Variants in SLC25A35 observed in about 807,000 individuals in gnomAD.
SLC25A35 encodes the protein solute carrier family 25, member 35.
SLC25A35 carries 32 observed loss-of-function variants against 30.5 expected under a neutral mutation model. That is an observed-to-expected ratio of 1.05 (90% CI 0.79 to 1.41). The LOEUF (loss-of-function observed/expected upper bound fraction) is 1.41, where lower values mean the gene tolerates loss of function less well. SLC25A35 is among the 40% of genes most tolerant of loss of function. The probability of loss-of-function intolerance (pLI) is 0.00; values close to 1 mark genes in which losing one functional copy is unlikely to be tolerated. For missense variants in SLC25A35, 369 were observed against 388.0 expected, an observed-to-expected ratio of 0.95 and a Z score of 0.41; for synonymous variants, 142 against 158.1, an observed-to-expected ratio of 0.90 and a Z score of 0.77.
chr17:8,292,690 T>G, intron 1 of SLC25A35, 102 bp from the exon 2 acceptor site: 3 of 937,182 alleles, frequency 3.2e-6, no homozygotes, highest in Non-Finnish European at 5.3e-6. Context: ...TGTTCAGCAA[T>G]GAATAGCCTC....
intron 1 of SLC25A35, among the ~76,000 whole-genome samples, chr17:8,293,316 G>T (rs146864870): frequency 1.3e-5 from 2 of 152,026 alleles, no homozygotes; most frequent in African/African-American, 2.4e-5. Context: ...ACTCTCTGAC[G>T]TATGTTAAAT....
intron 1 of SLC25A35, among the ~76,000 whole-genome samples, chr17:8,293,329 C>T (rs1323889430): frequency 6.6e-6 from 1 of 152,082 alleles, no homozygotes; most frequent in African/African-American, 2.4e-5. Flanking sequence ...TGTTAAATTC[C>T]TTATCCTCCC....
chr17:8,292,182 A>G (rs911401589), intron 2 of SLC25A35, among the ~76,000 whole-genome samples: 5 of 152,006 alleles, frequency 3.3e-5, no homozygotes, highest in Non-Finnish European at 7.4e-5. Flanking sequence ...ACTCTGTCTC[A>G]ACAAAACAAA....
chr17:8,288,618 G>T, downstream of SLC25A35: 1 of 766,642 alleles, frequency 1.3e-6, no homozygotes. Context: ...CCAGGGTCTT[G>T]GCGCCGATTG....
rs373090271 is a variant in SLC25A35 at position 8,294,830 on chromosome 17, C to A, written c.-23G>T. 6.5e-7 allele frequency: 1 copy of A among 1,544,222 alleles called. No individual in the cohort carries two copies. Among genetic ancestry groups the A allele is most frequent in the South Asian group, 1.2e-5 (1 of 80,150 alleles). ...CATGGTGGGATAGCTGTAGCAGGAA[C>A]TGACCCAAGAGTAAGAAAGTAAAAA... On this transcript the variant is annotated 5_prime_UTR_variant, in exon 1 of 5. Coordinates refer to ENST00000577745, the MANE Select transcript of SLC25A35 (RefSeq NM_001320870.2).
downstream of SLC25A35, chr17:8,288,695 G>A: frequency 4.3e-6 from 6 of 1,387,992 alleles, no homozygotes; most frequent in Admixed American, 1.7e-5. Context: ...CCCGGGTGGC[G>A]GTGGCAGCTG....
rs1990727177 is a variant in SLC25A35 at position 8,294,452 on chromosome 17, A to C, written c.356T>G (p.Leu119Trp). The C allele has an allele frequency of 6.3e-7, 1 of 1,589,700 alleles. No homozygotes were observed. The highest frequency in any genetic ancestry group is 8.6e-7 in the Non-Finnish European group (1 of 1,168,400). Residue 119 changes from leucine to tryptophan, a missense_variant, in exon 1 of 5, where the codon TTG (leucine) becomes TGG (tryptophan). Leu to Trp is a moderately conservative substitution (Grantham distance 61). Transcript: ENST00000577745. ...TCTTACCATGTAGATGGGGCTCCCC[A>C]AGTAGGCTCCCATGACCCCAGCCAT... is the stretch of plus-strand genomic sequence containing the variant. ...GAMAGVMGAY[L>W]GSPIYMVKTH... is the part of the protein sequence containing the mutation.
rs1471330288 is a variant in SLC25A35, at chr17:8,291,410, G to C, written c.517C>G (p.Leu173Val). The C allele has an allele frequency of 6.2e-7, 1 of 1,614,078 alleles. No homozygotes were observed. The highest frequency in any genetic ancestry group is 8.5e-7 in the Non-Finnish European group (1 of 1,180,040). The change falls in exon 3 of 5, where the codon CTG becomes GTG. Residue 173 changes from leucine to valine, a missense_variant. Coordinates refer to ENST00000577745, the MANE Select transcript of SLC25A35 (RefSeq NM_001320870.2). ...GAGGAACCGACGATAACTCGGGGCA[G>C]GCCGCCCAGAGCCCCACGCCATAAC... ...VGLWRGALGGLPRVIVGSSTQ... is the reference protein window; with the variant it reads ...VGLWRGALGGVPRVIVGSSTQ...
chr17:8,294,490 T>G lies in SLC25A35; in HGVS notation c.318A>C (p.Ala106=), dbSNP rs769971761. 1 of 1,610,792 alleles carries G rather than the reference T, an allele frequency of 6.2e-7. No homozygotes were observed. Among genetic ancestry groups the G allele is most frequent in the Non-Finnish European group, 8.5e-7 (1 of 1,178,538 alleles). ...TGACCCCAGCCATGGCCCCAGCTGC[T>G]GCGCTGCGGGCAGGACTGTGGGTGC... ...AEGTHSPARS[A]AAGAMAGVMG... is the part of the protein sequence containing the mutation. The change falls in exon 1 of 5, where the codon GCA becomes GCC. Residue 106 remains alanine (A), a synonymous_variant. Transcript: ENST00000577745.
downstream of SLC25A35, chr17:8,289,133 C>T: frequency 6.2e-7 from 1 of 1,602,498 alleles, no homozygotes; most frequent in Non-Finnish European, 8.5e-7. Context: ...TGGGCGGGGC[C>T]CGCGGCCGAC....
chr17:8,288,901 G>C, downstream of SLC25A35: 1 of 1,614,040 alleles, frequency 6.2e-7, no homozygotes, highest in Non-Finnish European at 8.5e-7. Flanking sequence ...CGGCTGACTG[G>C]GTGGGTTGTG....
downstream of SLC25A35, chr17:8,289,186 G>A (rs1014428533): frequency 4.4e-6 from 7 of 1,603,134 alleles, no homozygotes; most frequent in African/African-American, 8.0e-5. Context: ...CGGGAGCCAG[G>A]CCTGCAACTT....
At chr17:8,289,506 G>A (rs1251998769), downstream of SLC25A35, 1 of 1,614,214 alleles carries the variant, frequency 6.2e-7, no homozygotes, top group Middle Eastern at 1.6e-4. Context: ...CCCTTAGGTA[G>A]CAAAGGACGT....
Position 8,295,386 on chromosome 17 carries a change from C to T in SLC25A35, c.-579G>A, listed in dbSNP as rs1990788702. On this transcript the variant is annotated 5_prime_UTR_variant, in exon 1 of 5. Coordinates refer to ENST00000577745, the MANE Select transcript of SLC25A35 (RefSeq NM_001320870.2). The stretch of plus-strand genomic sequence containing the variant: ...GGGTAGCCTGCGGAGGCCGGGCCGC[C>T]ACACTCCTGCCACTGGAGCGCGGGG... 1 of 984,554 alleles carries T rather than the reference C, an allele frequency of 1.0e-6. No homozygotes were observed. The highest frequency in any genetic ancestry group is 1.7e-5 in the African/African-American group (1 of 57,248). 61.0% of individuals were successfully genotyped at this position (984,554 alleles called of 1,614,324 possible).
Position 8,295,224 on chromosome 17 carries a change from A to G in SLC25A35, c.-417T>C. 1 of 994,202 alleles carries G rather than the reference A, an allele frequency of 1.0e-6. No individual in the cohort carries two copies. Among genetic ancestry groups the G allele is most frequent in the African/African-American group, 1.7e-5 (1 of 57,640 alleles). 61.6% of individuals were successfully genotyped at this position (994,202 alleles called of 1,614,324 possible). On this transcript the variant is annotated 5_prime_UTR_variant, in exon 1 of 5. Coordinates refer to ENST00000577745, the MANE Select transcript of SLC25A35 (RefSeq NM_001320870.2). ...AGCCAGCAAGTGAGAGAAGAAAAGG[A>G]TCCGGGAGAAGAGCCGGTGATTTCC...
In SLC25A35 at chr17:8,295,050, G is replaced by A; in HGVS notation, c.-243C>T. The A allele has an allele frequency of 3.0e-6, 4 of 1,326,700 alleles. No homozygotes were observed. The highest frequency in any genetic ancestry group is 3.9e-6 in the Non-Finnish European group (4 of 1,038,326). The allele number at this position is 1,326,700 out of a possible 1,614,324, so 82.2% of individuals were successfully genotyped here. ...GAAATCTAGGAGATTCTGGTGAGAA[G>A]CTTAAGGCAGGACCCTCTGAGGTCA... On this transcript the variant is annotated 5_prime_UTR_variant, in exon 1 of 5. Coordinates refer to ENST00000577745, the MANE Select transcript of SLC25A35 (RefSeq NM_001320870.2).
intron 2 of SLC25A35, among the ~76,000 whole-genome samples, chr17:8,291,980 G>A (rs1414036294): frequency 1.3e-5 from 2 of 152,146 alleles, no homozygotes; most frequent in Admixed American, 6.6e-5. Flanking sequence ...TCAGGAGTTC[G>A]AGACCAGCCT....
Position 8,294,468 on chromosome 17 carries a change from C to A in SLC25A35, c.340G>T (p.Val114Phe). The A allele has an allele frequency of 6.2e-7, 1 of 1,604,440 alleles. No individual in the cohort carries two copies. The highest frequency in any genetic ancestry group is 2.2e-5 in the East Asian group (1 of 44,764). Residue 114 changes from valine (V) to phenylalanine (F), a missense_variant, in exon 1 of 5, where the codon GTC (valine) becomes TTC (phenylalanine). By Grantham distance (50) the Val-to-Phe change is conservative. Transcript: ENST00000577745. ...RSAAAGAMAG[V>F]MGAYLGSPIY... ...GGGCTCCCCAAGTAGGCTCCCATGA[C>A]CCCAGCCATGGCCCCAGCTGCTGCG...
Position 8,290,653 on chromosome 17 carries a change from T to C in SLC25A35, c.755A>G (p.Asp252Gly), listed in dbSNP as rs1412725084. The C allele has an allele frequency of 6.4e-7, 1 of 1,560,772 alleles. No individual in the cohort carries two copies. The highest frequency in any genetic ancestry group is 8.6e-7 in the Non-Finnish European group (1 of 1,159,414). Residue 252 changes from aspartate to glycine, a missense_variant, in exon 5 of 5, where the codon GAC (aspartate) becomes GGC (glycine). By Grantham distance (94) the Asp-to-Gly change is moderately conservative. Coordinates refer to ENST00000577745, the MANE Select transcript of SLC25A35 (RefSeq NM_001320870.2). ...GGTCCGAGCTGTCTGCAGCAGAGCG[T>C]CCAGTATCCCCCGGTACATGAGGCC... ...GKGLMYRGIL[D>G]ALLQTARTEG...
Sources: allele counts gnomAD v4.1 joint callset (sites outside exome capture counted in the v4.1 genomes callset), GRCh38; gene constraint gnomAD v4.1.1; transcripts MANE v1.5; gene names NCBI Gene and HGNC (gene_info 2026-07-23, HGNC 2026-07-21).